PRKG1: variants seen among roughly 807,000 people sequenced by gnomAD.
PRKG1 encodes the protein protein kinase cGMP-dependent 1.
Under a neutral mutation model 88.1 loss-of-function variants are expected in PRKG1, and 35 were observed. The ratio of observed to expected loss-of-function variants is 0.40; its 90% CI spans 0.30 to 0.53. PRKG1 has a LOEUF of 0.53. PRKG1 is among the 20% of genes least tolerant of loss of function. The pLI is 0.59. For synonymous variants in PRKG1, 303 were observed against 292.5 expected, an observed-to-expected ratio of 1.04 and a Z score of -0.37; for missense variants, 540 against 839.8, an observed-to-expected ratio of 0.64 and a Z score of 4.41.
chr10:52,045,549 A>G (rs1845844740), intron 5 of PRKG1, among the ~76,000 whole-genome samples: 1 of 152,120 alleles, frequency 6.6e-6, no homozygotes. Context: ...AGCTGTGTAC[A>G]TATAGATTCT....
intron 5 of PRKG1, among the ~76,000 whole-genome samples, chr10:51,952,191 A>C (rs986654150): frequency 6.6e-6 from 1 of 152,214 alleles, no homozygotes; most frequent in Non-Finnish European, 1.5e-5. Context: ...TGGGTTTTTT[A>C]AACTGACCTG....
intron 3 of PRKG1, among the ~76,000 whole-genome samples, chr10:51,483,863 A>G (rs1237628656): frequency 6.6e-6 from 1 of 152,198 alleles, no homozygotes; most frequent in Admixed American, 6.5e-5. Context: ...GTTTTCATTT[A>G]TACACTTAAG....
At chr10:51,495,732 G>A (rs1564522588) in intron 3 of PRKG1, among the ~76,000 whole-genome samples, 1 of 152,178 alleles carries the variant, frequency 6.6e-6, no homozygotes, top group African/African-American at 2.4e-5. Context: ...CTTTGGCAAC[G>A]TTGTAAATGT....
intron 10 of PRKG1, among the ~76,000 whole-genome samples, chr10:52,263,544 C>T (rs1396791368): frequency 6.6e-6 from 1 of 151,740 alleles, no homozygotes; most frequent in African/African-American, 2.4e-5. Context: ...ACCCTTGTGC[C>T]CATTTAGAAA....
At chr10:51,766,970 C>T (rs1838180964) in intron 3 of PRKG1, among the ~76,000 whole-genome samples, 1 of 152,162 alleles carries the variant, frequency 6.6e-6, no homozygotes, top group East Asian at 1.9e-4. Context: ...ATAGAAGCCA[C>T]TTAATTTTAA....
In PRKG1 at chr10:52,047,434, T is replaced by C. The variant is rs535646085; in HGVS notation, c.763-7050T>C. Among the ~76,000 whole-genome samples, 5 of 152,258 alleles carry C rather than the reference T, an allele frequency of 3.3e-5. No individual in the cohort carries two copies. The South Asian group carries it at 8.3e-4, about 25-fold the overall frequency. ...GATTGGAGATCAGAGTGAGAAGAAC[T>C]TCTGGTTTACAGATGTGATAGCTAA... is the stretch of plus-strand genomic sequence containing the variant. On this transcript the variant is annotated intron_variant, in intron 5 of 17. Transcript: ENST00000373980.
intron 2 of PRKG1, among the ~76,000 whole-genome samples, chr10:51,409,451 A>G (rs892208656): frequency 2.2e-4 from 33 of 152,230 alleles, no homozygotes; most frequent in Admixed American, 2.0e-3. Context: ...TTATGGCTAG[A>G]TGGGTCAGAA....
chr10:52,011,482 T>C (rs1409701354), intron 5 of PRKG1, among the ~76,000 whole-genome samples: 5 of 152,192 alleles, frequency 3.3e-5, no homozygotes, highest in Non-Finnish European at 5.9e-5. Context: ...CCTCCTTTTT[T>C]TGGTCCTATC....
intron 3 of PRKG1, among the ~76,000 whole-genome samples, chr10:51,575,378 A>G (rs1837861219): frequency 6.6e-6 from 1 of 151,978 alleles, no homozygotes; most frequent in South Asian, 2.1e-4. Flanking sequence ...GGCTCTGCCA[A>G]TGTTGTGTTT....
At chr10:51,659,150 T>G (rs1035146794) in intron 3 of PRKG1, among the ~76,000 whole-genome samples, 1 of 152,156 alleles carries the variant, frequency 6.6e-6, no homozygotes, top group African/African-American at 2.4e-5. Context: ...ATAAGCATGC[T>G]TTTTATATAA....
At chr10:51,864,387 T>C (rs1840963339) in intron 4 of PRKG1, among the ~76,000 whole-genome samples, 1 of 152,236 alleles carries the variant, frequency 6.6e-6, no homozygotes, top group South Asian at 2.1e-4. Flanking sequence ...TATTTTCATA[T>C]TCTACATGTG....
intron 3 of PRKG1, among the ~76,000 whole-genome samples, chr10:51,571,843 G>C (rs1016826979): frequency 6.6e-6 from 1 of 151,768 alleles, no homozygotes; most frequent in Admixed American, 6.6e-5. Context: ...TATTATTGTG[G>C]AGAATTCACC....
At chr10:52,083,440 TAACAA>T (rs983172323) in intron 7 of PRKG1, among the ~76,000 whole-genome samples, 14 of 152,084 alleles carry the variant, frequency 9.2e-5, no homozygotes, top group African/African-American at 3.4e-4. Context: ...AAACAAAACA[TAACAA>T]AACAAAAAAT....
chr10:51,306,480 G>A (rs1276669340), intron 2 of PRKG1: 3 of 152,064 alleles, frequency 2.0e-5, no homozygotes, highest in African/African-American at 4.8e-5. Context: ...GTTGATATGT[G>A]TATGTTGGAG....
chr10:52,119,697 AC>A (rs1174277370), intron 7 of PRKG1, among the ~76,000 whole-genome samples: 1 of 152,186 alleles, frequency 6.6e-6, no homozygotes, highest in Non-Finnish European at 1.5e-5. Flanking sequence ...CCATGACACA[AC>A]CTGTCTTGTC....
chr10:52,133,210 T>C (rs980170088), intron 7 of PRKG1, among the ~76,000 whole-genome samples: 6 of 152,086 alleles, frequency 3.9e-5, no homozygotes, highest in African/African-American at 1.4e-4. Context: ...TTTAAGAGAT[T>C]GATAGATACG....
At chr10:51,898,551 T>C (rs894012520) in intron 4 of PRKG1, among the ~76,000 whole-genome samples, 5 of 152,064 alleles carry the variant, frequency 3.3e-5, no homozygotes, top group Non-Finnish European at 5.9e-5. Flanking sequence ...AAAAAAAATT[T>C]TGGCCAGGCA....
intron 3 of PRKG1, among the ~76,000 whole-genome samples, chr10:51,781,236 A>G (rs1218430712): frequency 1.3e-5 from 2 of 152,190 alleles, no homozygotes; most frequent in African/African-American, 4.8e-5. Context: ...AAAACAAAAA[A>G]CAGACATCTG....
intron 2 of PRKG1, among the ~76,000 whole-genome samples, chr10:51,386,013 G>A (rs1018048792): frequency 2.0e-5 from 3 of 152,036 alleles, no homozygotes; most frequent in African/African-American, 4.8e-5. Context: ...GGTTTAGAGT[G>A]TAAAAATGTA....
Sources: allele counts gnomAD v4.1 joint callset (sites outside exome capture counted in the v4.1 genomes callset), GRCh38; gene constraint gnomAD v4.1.1; transcripts MANE v1.5; gene names NCBI Gene and HGNC (gene_info 2026-07-23, HGNC 2026-07-21).